ARMC3: variants seen among roughly 807,000 people sequenced by gnomAD.
ARMC3 encodes armadillo repeat-containing protein 3.
ARMC3 carries 74 observed loss-of-function variants against 90.3 expected under a neutral mutation model. The ratio of observed to expected loss-of-function variants is 0.82; its 90% CI spans 0.68 to 0.99. The LOEUF (loss-of-function observed/expected upper bound fraction) is 0.99. Ranked by LOEUF, ARMC3 falls within the 50% of genes least tolerant of loss-of-function variation. The pLI, the probability that ARMC3 is intolerant of heterozygous loss-of-function variation, is 0.00. For synonymous variants in ARMC3, 334 were observed against 361.8 expected (o/e 0.92, Z 0.87); for missense variants, 958 against 1,042.8 (o/e 0.92, Z 1.12).
intron 8 of ARMC3, among the ~76,000 whole-genome samples, chr10:22,973,747 G>C (rs143039241): frequency 0.039 from 4,603 of 118,304 alleles, 136 homozygotes; most frequent in Non-Finnish European, 0.051. Context: ...TTTTTTCTTT[G>C]TCTTTCTTTT....
Position 22,931,980 on chromosome 10 carries a change from T to G in ARMC3, c.-1-16T>G, listed in dbSNP as rs116378238. The G allele has an allele frequency of 7.3e-4, 1,160 of 1,598,908 alleles. 11 individuals are homozygous for G. The African/African-American group carries it at 0.014, about 20-fold the overall frequency. On this transcript the variant is annotated splice_polypyrimidine_tract_variant and intron_variant, in intron 1 of 18. Coordinates refer to ENST00000298032, the MANE Select transcript of ARMC3 (RefSeq NM_173081.5). ...GTGCAAATGTCACTTTAACCATATA[T>G]TGCATCTTTTTCCAGGATGGGTAAA...
At chr10:23,011,087 C>T (rs1328609443) in intron 16 of ARMC3, among the ~76,000 whole-genome samples, 1 of 151,606 alleles carries the variant, frequency 6.6e-6, no homozygotes, top group African/African-American at 2.4e-5. Flanking sequence ...TTTGCTCTGC[C>T]CTACCCTTTG....
intron 2 of ARMC3, 40 bp downstream of exon 2, chr10:22,932,084 C>T (rs777037949): frequency 2.6e-6 from 4 of 1,527,228 alleles, no homozygotes; most frequent in Non-Finnish European, 3.6e-6. Context: ...CTTTAACAAC[C>T]AGTTATAAAA....
chr10:22,987,871 G>A (rs7084760), intron 10 of ARMC3, among the ~76,000 whole-genome samples: 48,532 of 152,114 alleles, frequency 0.32, 9,057 homozygotes, highest in African/African-American at 0.51. Context: ...AGTGGTGACT[G>A]AAAAATTAAT....
chr10:22,999,531 A>C (rs2131410783), intron 11 of ARMC3, among the ~76,000 whole-genome samples: 1 of 152,370 alleles, frequency 6.6e-6, no homozygotes, highest in Non-Finnish European at 1.5e-5. Context: ...TCTGTCCCAT[A>C]AAAATAACAA....
chr10:22,983,372 A>G (rs1043428555), intron 10 of ARMC3, among the ~76,000 whole-genome samples: 4 of 152,232 alleles, frequency 2.6e-5, no homozygotes, highest in African/African-American at 9.6e-5. Context: ...TATTTTACAG[A>G]TTTTTGTCAT....
chr10:23,019,098 A>G (rs775463175), intron 16 of ARMC3, among the ~76,000 whole-genome samples: 5 of 151,880 alleles, frequency 3.3e-5, no homozygotes, highest in Non-Finnish European at 5.9e-5. Flanking sequence ...CAAGGCACAA[A>G]TGACAGATAA....
chr10:23,014,015 G>A, intron 16 of ARMC3: 2 of 1,488,924 alleles, frequency 1.3e-6, no homozygotes, highest in Non-Finnish European at 1.8e-6. Flanking sequence ...AGTATGTCCA[G>A]GGAGAACAAA....
At chr10:23,031,717 C>G (rs974144213) in intron 17 of ARMC3, among the ~76,000 whole-genome samples, 1 of 151,936 alleles carries the variant, frequency 6.6e-6, no homozygotes, top group Non-Finnish European at 1.5e-5. Flanking sequence ...ATCAGTAACA[C>G]TTTTCATCAT....
chr10:22,954,881 G>T (rs1315968320), intron 3 of ARMC3, among the ~76,000 whole-genome samples: 1 of 152,066 alleles, frequency 6.6e-6, no homozygotes, highest in Non-Finnish European at 1.5e-5. Context: ...TGGAGGCTGA[G>T]AAGTCCCACG....
intron 16 of ARMC3, among the ~76,000 whole-genome samples, chr10:23,019,164 T>G (rs1838406927): frequency 6.6e-6 from 1 of 152,222 alleles, no homozygotes; most frequent in Admixed American, 6.5e-5. Context: ...TCTCCTTTGC[T>G]ACTGAAAATG....
At chr10:22,992,600 C>T (rs1372796104) in intron 10 of ARMC3, among the ~76,000 whole-genome samples, 1 of 152,062 alleles carries the variant, frequency 6.6e-6, no homozygotes, top group African/African-American at 2.4e-5. Flanking sequence ...AAAAGAAGAA[C>T]ATTCTCTTGG....
At position 23,037,576 on chromosome 10, in the gene ARMC3, C is replaced by A. The variant is rs1257400240; in HGVS notation, c.*97C>A. The stretch of plus-strand genomic sequence containing the variant: ...TTGATTTTATCTCTTTAAATAAAAA[C>A]TTTAAATAAAAGTATTAGAAATGTT... On this transcript the variant is annotated 3_prime_UTR_variant, in exon 19 of 19. Transcript: ENST00000298032. 4.6e-6 allele frequency: 5 copies of A among 1,090,506 alleles called. No homozygotes were observed. Among genetic ancestry groups the A allele is most frequent in the Non-Finnish European group, 6.2e-6 (5 of 803,138 alleles). The allele number at this position is 1,090,506 out of a possible 1,614,324, so 67.6% of individuals were successfully genotyped here. A position where few individuals can be genotyped will look rare whatever the true frequency, so the allele number is the denominator to read the frequency against.
chr10:23,008,322 C>T lies in ARMC3; in HGVS notation c.1876C>T (p.Arg626Ter), dbSNP rs779826464. 1.3e-5 allele frequency: 20 copies of T among 1,558,798 alleles called. No individual in the cohort carries two copies. Among genetic ancestry groups the T allele is most frequent in the Admixed American group, 3.5e-5 (2 of 56,380 alleles). Residue 626 changes from arginine (R) to a stop codon, truncating the protein, a stop_gained, in exon 15 of 19, where the codon CGA (arginine) becomes TGA (stop). Coordinates refer to ENST00000298032, the MANE Select transcript of ARMC3 (RefSeq NM_173081.5). LOFTEE classifies it high-confidence loss of function. Reference sequence around the variant, plus strand: ...AGATAAATCAGATGTTGGTTATGGACGAAGTATTTCTTCTTCATCTTCCTT... The same window carrying T: ...AGATAAATCAGATGTTGGTTATGGATGAAGTATTTCTTCTTCATCTTCCTT... ...MEDKSDVGYG[R>*]SISSSSSLRR... is the part of the protein sequence containing the mutation.
chr10:22,958,976 G>C, intron 4 of ARMC3, 94 bp from the exon 5 acceptor site: 6 of 1,015,298 alleles, frequency 5.9e-6, no homozygotes, highest in Non-Finnish European at 9.2e-6. Flanking sequence ...ACCCGCCTCA[G>C]CCTTTCAAAG....
intron 3 of ARMC3, among the ~76,000 whole-genome samples, chr10:22,948,330 CGTGTATCTAATTAT>C (rs1834617977): frequency 6.6e-6 from 1 of 151,898 alleles, no homozygotes; most frequent in Non-Finnish European, 1.5e-5. Flanking sequence ...CTGGCTGTCA[CGTGTATCTAATTAT>C]GTGTTATCTC....
In ARMC3 at chr10:22,986,563, C is replaced by CA. The variant is rs869131638; in HGVS notation, c.1175+4877dup. 9.5e-3 allele frequency among the ~76,000 whole-genome samples: 1,038 copies of CA among 109,290 alleles called. 4 individuals carry two copies. The highest frequency in any genetic ancestry group is 0.022 in the South Asian group (71 of 3,164). 71.7% of individuals were successfully genotyped at this position (109,290 alleles called of 152,430 possible). ...TGAGACTCCATCTCAAAAAAAAAAA[C>CA]AAAAAAAAAAAAAACAAACCCAAAA... On this transcript the variant is annotated intron_variant, in intron 10 of 18. Coordinates refer to ENST00000298032, the MANE Select transcript of ARMC3 (RefSeq NM_173081.5).
intron 7 of ARMC3, among the ~76,000 whole-genome samples, chr10:22,965,617 A>AT (rs1235384900): frequency 6.6e-6 from 1 of 151,972 alleles, no homozygotes; most frequent in Non-Finnish European, 1.5e-5. Context: ...TTATGCAAAT[A>AT]TTTTTTTCCA....
intron 16 of ARMC3, among the ~76,000 whole-genome samples, chr10:23,023,276 G>A (rs1054369606): frequency 1.3e-5 from 2 of 152,106 alleles, no homozygotes; most frequent in African/African-American, 2.4e-5. Flanking sequence ...AGAAAAACAC[G>A]TACACTCACT....
Sources: allele counts gnomAD v4.1 joint callset (sites outside exome capture counted in the v4.1 genomes callset), GRCh38; gene constraint gnomAD v4.1.1; transcripts MANE v1.5; gene names NCBI Gene and HGNC (gene_info 2026-07-23, HGNC 2026-07-21).